Variants in TOP2B observed in about 807,000 individuals in gnomAD.
TOP2B encodes the protein DNA topoisomerase II beta.
A neutral mutation model predicts 193.5 loss-of-function variants in TOP2B; 51 were observed. That is an observed-to-expected ratio of 0.26 (90% CI 0.21 to 0.33). The LOEUF (loss-of-function observed/expected upper bound fraction) is 0.33, where lower values mean the gene tolerates loss of function less well. TOP2B is among the 10% of genes least tolerant of loss of function. The pLI is 1.00. For synonymous variants in TOP2B, 634 were observed against 635.7 expected (o/e 1.00, Z 0.04); for missense variants, 1,378 against 1,909.3 (o/e 0.72, Z 5.19).
Position 25,615,438 on chromosome 3 carries a change from T to A in TOP2B, c.3500A>T (p.Asp1167Val). The part of the protein sequence containing the change: ...EKVEELIKQR[D>V]AKGREVNDLK... ...ACCCACAAAAGTTCATACTTTTGCA[T>A]CTCTCTGTTTAATCAGTTCTTCAAC... is the stretch of plus-strand genomic sequence containing the variant. The change falls in exon 26 of 36, where the codon GAT (aspartate) becomes GTT (valine). Residue 1167 changes from aspartate (D) to valine (V), a missense_variant. By Grantham distance (152) the Asp-to-Val change is radical. Transcript: ENST00000264331. The A allele has an allele frequency of 6.4e-7, 1 of 1,551,312 alleles. No individual in the cohort carries two copies. The highest frequency in any genetic ancestry group is 8.7e-7 in the Non-Finnish European group (1 of 1,152,076).
intron 26 of TOP2B, 45 bp downstream of exon 26, chr3:25,615,385 TA>T: frequency 2.0e-6 from 3 of 1,538,016 alleles, no homozygotes; most frequent in South Asian, 1.3e-5. Flanking sequence ...AAGATACAGA[TA>T]ACACTGAAAT....
In TOP2B at chr3:25,601,094, C is replaced by T; in HGVS notation, c.4615+6G>A. On this transcript the variant is annotated splice_donor_region_variant and intron_variant, in intron 34 of 35. Transcript: ENST00000264331. Reference sequence around the variant, plus strand: ...GTTTAAAGGGTTATAAGAAGATAATCCTCACCTTTTGGTGTTGTAGTCTTC... The same window carrying T: ...GTTTAAAGGGTTATAAGAAGATAATTCTCACCTTTTGGTGTTGTAGTCTTC... 3 of 1,612,854 alleles carry T rather than the reference C, an allele frequency of 1.9e-6. No individual in the cohort carries two copies. Among genetic ancestry groups the T allele is most frequent in the Non-Finnish European group, 2.5e-6 (3 of 1,179,292 alleles).
chr3:25,635,632 G>C (rs1703086317), intron 7 of TOP2B, among the ~76,000 whole-genome samples: 2 of 132,882 alleles, frequency 1.5e-5, no homozygotes, highest in Admixed American at 1.5e-4. Flanking sequence ...AACTTGAAGA[G>C]AGGGGATAGA....
At chr3:25,609,871 AC>A (rs1261335329) in intron 28 of TOP2B, among the ~76,000 whole-genome samples, 159 bp from the exon 29 acceptor site, 1 of 152,226 alleles carries the variant, frequency 6.6e-6, no homozygotes, top group African/African-American at 2.4e-5. Flanking sequence ...ACCATGTTTT[AC>A]TTCACTTATC....
chr3:25,606,003 CAAT>C, intron 32 of TOP2B, 37 bp downstream of exon 32: 7 of 1,180,330 alleles, frequency 5.9e-6, no homozygotes, highest in South Asian at 2.0e-5. Context: ...CCACTAAAAG[CAAT>C]AATACAATAA....
At chr3:25,627,426 T>TTTTTTTTTTTTTTTTTTTTTTTTTG in intron 15 of TOP2B, 130 bp from the exon 16 acceptor site, 1 of 505,244 alleles carries the variant, frequency 2.0e-6, no homozygotes, top group Non-Finnish European at 3.5e-6. Context: ...TGATCAATCT[T>TTTTTTTTTTTTTTTTTTTTTTTTTG]AATAAGCAAC....
At chr3:25,615,654 A>G (rs1702484951) in intron 25 of TOP2B, 68 bp from the exon 26 acceptor site, 1 of 1,254,584 alleles carries the variant, frequency 8.0e-7, no homozygotes, top group Non-Finnish European at 1.0e-6. Flanking sequence ...ATTTTATTGA[A>G]TAATTAGTTT....
Position 25,609,629 on chromosome 3 carries a change from T to C in TOP2B, c.3870A>G (p.Ala1290=). 6.3e-7 allele frequency: 1 copy of C among 1,587,014 alleles called. No homozygotes were observed. The highest frequency in any genetic ancestry group is 1.2e-5 in the South Asian group (1 of 85,738). ...GAPVEGAGEE[A]LTPSVPINKG... is the part of the protein sequence containing the mutation. ...TATTTATAGGAACTGATGGAGTCAATGCCTCTTCTCCTGCACCTTCTACTG... is the reference window on the plus strand; with the variant it reads ...TATTTATAGGAACTGATGGAGTCAACGCCTCTTCTCCTGCACCTTCTACTG... Residue 1290 remains alanine (A), a synonymous_variant, in exon 29 of 36, where the codon GCA becomes GCG. Coordinates refer to ENST00000264331, the MANE Select transcript of TOP2B (RefSeq NM_001330700.2).
chr3:25,598,518 G>C, intron 35 of TOP2B, 41 bp from the exon 36 acceptor site: 1 of 1,463,870 alleles, frequency 6.8e-7, no homozygotes, highest in Non-Finnish European at 9.2e-7. Context: ...ATGAAAGGAA[G>C]TAAAGACTAG....
chr3:25,641,020 G>C (rs957127245), intron 4 of TOP2B, among the ~76,000 whole-genome samples: 1 of 152,042 alleles, frequency 6.6e-6, no homozygotes, highest in African/African-American at 2.4e-5. Flanking sequence ...GGGCTCAAGG[G>C]ATCTGCCTGA....
At chr3:25,641,442 T>G (rs1411814335) in intron 4 of TOP2B, among the ~76,000 whole-genome samples, 1 of 152,076 alleles carries the variant, frequency 6.6e-6, no homozygotes, top group Non-Finnish European at 1.5e-5. Context: ...ATCTTAAACT[T>G]CTGTATAAGT....
rs553654349 is a variant in TOP2B at position 25,604,462 on chromosome 3, C to A, written c.4489+298G>T. ...ATAGATAACAGAAGCAAGCTACTAG[C>A]AAGACAAAATTTTAATCTCCATTAC... On this transcript the variant is annotated intron_variant, in intron 33 of 35. Transcript: ENST00000264331. Among the ~76,000 whole-genome samples, 1,280 of 152,208 alleles carry A rather than the reference C, an allele frequency of 8.4e-3. 13 individuals are homozygous for A. Among genetic ancestry groups the A allele is most frequent in the African/African-American group, 0.028 (1,180 of 41,512 alleles).
At chr3:25,659,858 T>G (rs1055828382) in intron 1 of TOP2B, among the ~76,000 whole-genome samples, 1 of 152,204 alleles carries the variant, frequency 6.6e-6, no homozygotes, top group Non-Finnish European at 1.5e-5. Flanking sequence ...TTAAGAACAC[T>G]GAGTCTGGTT....
chr3:25,630,919 T>C lies in TOP2B; in HGVS notation c.1287A>G (p.Val429=), dbSNP rs1271976419. 2.5e-6 allele frequency: 4 copies of C among 1,594,952 alleles called. No homozygotes were observed. The highest frequency in any genetic ancestry group is 2.3e-5 in the East Asian group (1 of 43,874). ...FFKAASNCGI[V]ESILNWVKFK... ...ATTTCACCCAGTTCAGGATACTTTC[T>C]ACAATGCCACAATTAGAGGCCTAAA... The change falls in exon 11 of 36, where the codon GTA becomes GTG. Residue 429 remains valine (V), a synonymous_variant. Coordinates refer to ENST00000264331, the MANE Select transcript of TOP2B (RefSeq NM_001330700.2).
chr3:25,662,570 A>T (rs531299856), intron 1 of TOP2B, among the ~76,000 whole-genome samples: 59 of 152,324 alleles, frequency 3.9e-4, no homozygotes, highest in Non-Finnish European at 6.6e-4. Flanking sequence ...CAATAAGTCA[A>T]TTTCAGTTTC....
chr3:25,616,154 C>T (rs1023183819), intron 25 of TOP2B, among the ~76,000 whole-genome samples: 6 of 151,870 alleles, frequency 4.0e-5, no homozygotes, highest in African/African-American at 1.4e-4. Context: ...GTAAGAATTT[C>T]GTCAGGGTTT....
chr3:25,623,194 A>T (rs1702706890), intron 21 of TOP2B, among the ~76,000 whole-genome samples: 1 of 152,230 alleles, frequency 6.6e-6, no homozygotes, highest in African/African-American at 2.4e-5. Context: ...CGGTAGTTTG[A>T]GAACAGAAAC....
chr3:25,647,083 C>A (rs926239089), intron 1 of TOP2B, among the ~76,000 whole-genome samples: 3 of 152,074 alleles, frequency 2.0e-5, no homozygotes, highest in Non-Finnish European at 2.9e-5. Context: ...ATTCACATTC[C>A]ACTTCTGCAA....
intron 21 of TOP2B, among the ~76,000 whole-genome samples, chr3:25,621,375 T>C (rs560330064): frequency 9.8e-5 from 15 of 152,292 alleles, no homozygotes; most frequent in Non-Finnish European, 1.2e-4. Context: ...TTTTTATTTG[T>C]TTTGAGACAG....
Sources: gnomAD v4.1 joint callset for allele counts (sites outside exome capture counted in the v4.1 genomes callset) on GRCh38, gnomAD v4.1.1 for gene constraint, MANE v1.5 for transcripts, NCBI Gene and HGNC (gene_info 2026-07-23, HGNC 2026-07-21) for gene names.